The following UNC5D variants were observed in gnomAD, a reference collection of about 807,000 sequenced individuals.
UNC5D encodes unc-5 netrin receptor D.
Under a neutral mutation model 105.4 loss-of-function variants are expected in UNC5D, and 39 were observed. The ratio of observed to expected loss-of-function variants is 0.37; its 90% CI spans 0.29 to 0.48. The LOEUF (loss-of-function observed/expected upper bound fraction) is 0.48, where lower values mean the gene tolerates loss of function less well. UNC5D is among the 20% of genes least tolerant of loss of function. The pLI is 0.98. For synonymous variants in UNC5D, 452 were observed against 450.4 expected (o/e 1.00, Z -0.04); for missense variants, 991 against 1,202.4 (o/e 0.82, Z 2.60).
chr8:35,512,231 G>T (rs561744937), intron 1 of UNC5D, among the ~76,000 whole-genome samples: 1 of 151,396 alleles, frequency 6.6e-6, no homozygotes, highest in East Asian at 2.0e-4. Flanking sequence ...TAAGGTTAAG[G>T]GTTATCTGAG....
At chr8:35,559,674 G>C (rs529652599) in intron 2 of UNC5D, among the ~76,000 whole-genome samples, 1 of 152,172 alleles carries the variant, frequency 6.6e-6, no homozygotes, top group African/African-American at 2.4e-5. Context: ...CCTAGACTAT[G>C]ACCATCACCC....
intron 4 of UNC5D, among the ~76,000 whole-genome samples, chr8:35,653,158 G>A (rs940090237): frequency 6.6e-6 from 1 of 151,890 alleles, no homozygotes; most frequent in Non-Finnish European, 1.5e-5. Flanking sequence ...TCGATCTCTT[G>A]ACCTCATGAT....
chr8:35,239,478 G>C (rs769496434), intron 1 of UNC5D, among the ~76,000 whole-genome samples: 2 of 144,158 alleles, frequency 1.4e-5, no homozygotes, highest in Middle Eastern at 3.7e-3. Context: ...CTGCATGTTT[G>C]ATATCCTTCC....
intron 1 of UNC5D, among the ~76,000 whole-genome samples, chr8:35,327,594 A>T (rs762954601): frequency 2.0e-5 from 3 of 152,174 alleles, no homozygotes; most frequent in Non-Finnish European, 4.4e-5. Context: ...CATTTATTTT[A>T]CAAATGTCCC....
intron 3 of UNC5D, among the ~76,000 whole-genome samples, chr8:35,587,433 G>T (rs1046247410): frequency 1.3e-5 from 2 of 152,130 alleles, no homozygotes; most frequent in African/African-American, 4.8e-5. Flanking sequence ...TTGCATATTA[G>T]TTCATAGTCA....
chr8:35,553,326 A>G (rs1254072354), intron 2 of UNC5D, among the ~76,000 whole-genome samples: 1 of 151,792 alleles, frequency 6.6e-6, no homozygotes, highest in Non-Finnish European at 1.5e-5. Context: ...CTCTACCTCC[A>G]TGTAGAAATC....
At chr8:35,714,283 A>C (rs911154752) in intron 8 of UNC5D, among the ~76,000 whole-genome samples, 3 of 152,202 alleles carry the variant, frequency 2.0e-5, no homozygotes, top group Non-Finnish European at 4.4e-5. Context: ...TATTTTGAAG[A>C]GGTAAGAATG....
chr8:35,370,371 A>G (rs1447460860), intron 1 of UNC5D, among the ~76,000 whole-genome samples: 1 of 152,228 alleles, frequency 6.6e-6, no homozygotes, highest in Non-Finnish European at 1.5e-5. Context: ...TTTAATATTT[A>G]ATTTACAATG....
rs146876934 is a variant in UNC5D, at chr8:35,772,618, G to A, written c.2479-1681G>A. Among the ~76,000 whole-genome samples the A allele has an allele frequency of 6.8e-3, 1,037 of 152,240 alleles. 6 individuals carry two copies. The highest frequency in any genetic ancestry group is 0.022 in the African/African-American group (929 of 41,538). On this transcript the variant is annotated intron_variant, in intron 15 of 16. Transcript: ENST00000404895. ...AAGGACAGCTTCTTGGAGTTTAAACGTTCTAACTAGTCCCTTAACTCAATC... is the reference window on the plus strand; with the variant it reads ...AAGGACAGCTTCTTGGAGTTTAAACATTCTAACTAGTCCCTTAACTCAATC...
rs140932452 is a variant in UNC5D, at chr8:35,714,667, T to C, written c.1118-7543T>C. On this transcript the variant is annotated intron_variant, in intron 8 of 16. Coordinates refer to ENST00000404895, the MANE Select transcript of UNC5D (RefSeq NM_080872.4). Reference sequence around the variant, plus strand: ...GAGGAAGTTTGCTATTCTTGTCTATTGCTGCAGAGCAGTGGTAAAGAATAA... The same window carrying C: ...GAGGAAGTTTGCTATTCTTGTCTATCGCTGCAGAGCAGTGGTAAAGAATAA... 4.7e-3 allele frequency among the ~76,000 whole-genome samples: 720 copies of C among 152,368 alleles called. 6 individuals are homozygous for C. The highest frequency in any genetic ancestry group is 0.016 in the African/African-American group (670 of 41,592).
chr8:35,646,669 A>G (rs926172912), intron 4 of UNC5D, among the ~76,000 whole-genome samples: 2 of 152,158 alleles, frequency 1.3e-5, no homozygotes, highest in African/African-American at 4.8e-5. Flanking sequence ...TGTATCTGTA[A>G]TAAAAAGATA....
At position 35,792,114 on chromosome 8, in the gene UNC5D, AGG is replaced by A. The variant is rs1803070882; in HGVS notation, c.*1553_*1554del. 1.3e-5 allele frequency: 2 copies of A among 152,152 alleles called. No individual in the cohort carries two copies. Among genetic ancestry groups the A allele is most frequent in the Non-Finnish European group, 2.9e-5 (2 of 68,026 alleles). The allele number at this position is 152,152 out of a possible 1,614,324, so 9.4% of individuals were successfully genotyped here. ...GGTTACATTCGAATAAAAAGTAGTC[AGG>A]GAATGGGGGAGGTGGGGAGTTGGGG... On this transcript the variant is annotated 3_prime_UTR_variant, in exon 17 of 17. Transcript: ENST00000404895.
Position 35,793,416 on chromosome 8 carries a change from C to T in UNC5D, c.*2853C>T, listed in dbSNP as rs1803132974. 1 of 165,770 alleles carries T rather than the reference C, an allele frequency of 6.0e-6. No homozygotes were observed. Among genetic ancestry groups the T allele is most frequent in the Non-Finnish European group, 1.3e-5 (1 of 75,808 alleles). The allele number at this position is 165,770 out of a possible 1,614,324, so 10.3% of individuals were successfully genotyped here. On this transcript the variant is annotated 3_prime_UTR_variant, in exon 17 of 17. Transcript: ENST00000404895. ...AAAGAGATTTACTCATCTATCCAAG[C>T]ACTTAATTTGGAAATTTTATTGTCC...
intron 1 of UNC5D, among the ~76,000 whole-genome samples, chr8:35,532,162 C>T (rs1373420067): frequency 2.0e-5 from 3 of 147,694 alleles, no homozygotes; most frequent in South Asian, 4.5e-4. Flanking sequence ...TACATTTTGG[C>T]ATGATTTTGC....
chr8:35,595,370 T>A (rs1487946148), intron 3 of UNC5D, among the ~76,000 whole-genome samples, 184 bp from the exon 4 acceptor site: 2 of 152,234 alleles, frequency 1.3e-5, no homozygotes, highest in Non-Finnish European at 2.9e-5. Context: ...CCAGGTTATT[T>A]CACATGCATT....
intron 1 of UNC5D, among the ~76,000 whole-genome samples, chr8:35,488,285 A>G (rs1810962263): frequency 6.6e-6 from 1 of 152,206 alleles, no homozygotes; most frequent in African/African-American, 2.4e-5. Flanking sequence ...GGTTACAGAG[A>G]TGGGACAAAA....
chr8:35,482,841 C>A (rs1255806742), intron 1 of UNC5D, among the ~76,000 whole-genome samples: 2 of 117,374 alleles, frequency 1.7e-5, no homozygotes, highest in African/African-American at 3.4e-5. Context: ...TTGCTCTCGT[C>A]CCCCAGGCTG....
chr8:35,346,653 C>T (rs1315663280), intron 1 of UNC5D, among the ~76,000 whole-genome samples: 1 of 151,834 alleles, frequency 6.6e-6, no homozygotes, highest in Non-Finnish European at 1.5e-5. Context: ...TTATGTTCAG[C>T]TATGTAATAT....
chr8:35,721,281 C>T (rs1048464514), intron 8 of UNC5D, among the ~76,000 whole-genome samples: 1 of 151,938 alleles, frequency 6.6e-6, no homozygotes, highest in African/African-American at 2.4e-5. Context: ...AGATAAATCT[C>T]GTGTGCTGTA....
Sources: allele counts gnomAD v4.1 joint callset (sites outside exome capture counted in the v4.1 genomes callset), GRCh38; gene constraint gnomAD v4.1.1; transcripts MANE v1.5; gene names NCBI Gene and HGNC (gene_info 2026-07-23, HGNC 2026-07-21).